C8orf34: variants seen among roughly 807,000 people sequenced by gnomAD.
C8orf34 encodes chromosome 8 open reading frame 34.
C8orf34 carries 65 observed loss-of-function variants against 68.3 expected under a neutral mutation model. That is an observed-to-expected ratio of 0.95 (90% confidence interval 0.78 to 1.17). The LOEUF (loss-of-function observed/expected upper bound fraction) is 1.17. Ranked by LOEUF, C8orf34 falls within the 50% of genes most tolerant of loss-of-function variation. The pLI, the probability that C8orf34 is intolerant of heterozygous loss-of-function variation, is 0.00. For missense variants in C8orf34, 664 were observed against 655.4 expected (o/e 1.01, Z -0.14); for synonymous variants, 244 against 241.2 (o/e 1.01, Z -0.11).
rs141757781 is a variant in C8orf34 at position 68,576,276 on chromosome 8, A to G, written c.1105+43127A>G. On this transcript the variant is annotated intron_variant, in intron 7 of 13. Coordinates refer to ENST00000518698, the MANE Select transcript of C8orf34 (RefSeq NM_052958.4). ...TTATGTAGATGTATTTTAAAAAAAT[A>G]GCAACCTTTCCCTGAGGATTTGGGA... Among the ~76,000 whole-genome samples the G allele has an allele frequency of 1.4e-3, 204 of 148,630 alleles. 6 individuals carry two copies. The highest frequency in any genetic ancestry group is 3.8e-3 in the African/African-American group (144 of 38,222).
At chr8:68,505,290 C>T (rs1478337523) in intron 5 of C8orf34, among the ~76,000 whole-genome samples, 3 of 152,020 alleles carry the variant, frequency 2.0e-5, no homozygotes, top group Non-Finnish European at 4.4e-5. Context: ...CTAATTATGT[C>T]GATAATGTAT....
intron 1 of C8orf34, among the ~76,000 whole-genome samples, chr8:68,426,549 G>GA (rs1435187146): frequency 2.1e-4 from 22 of 106,132 alleles, no homozygotes; most frequent in African/African-American, 7.4e-4. Context: ...AAAGAAAACA[G>GA]AAAAAAAGCA....
chr8:68,559,302 G>A (rs1427451738), intron 7 of C8orf34, among the ~76,000 whole-genome samples: 8 of 152,102 alleles, frequency 5.3e-5, no homozygotes, highest in Non-Finnish European at 1.0e-4. Context: ...CATCAACATA[G>A]ACAAGGAATT....
chr8:68,638,280 C>T (rs1014298330), intron 7 of C8orf34, among the ~76,000 whole-genome samples: 15 of 151,570 alleles, frequency 9.9e-5, no homozygotes, highest in South Asian at 2.1e-4. Flanking sequence ...ACCAAAAATG[C>T]CAGAGATTAT....
Position 68,578,067 on chromosome 8 carries a change from AG to A in C8orf34, c.1105+44919del, listed in dbSNP as rs531826443. ...AAAAACTTTAAAAAAGAAGGAGGCA[AG>A]AAGTAGGTAAAAAAATAAAGGAAGG... On this transcript the variant is annotated intron_variant, in intron 7 of 13. Transcript: ENST00000518698. 6.6e-5 allele frequency among the ~76,000 whole-genome samples: 10 copies of A among 152,056 alleles called. 1 individual carries two copies. In the South Asian group the frequency reaches 1.9e-3, roughly 28 times the overall value.
chr8:68,703,033 T>A (rs1183659048), intron 8 of C8orf34, among the ~76,000 whole-genome samples: 1 of 152,158 alleles, frequency 6.6e-6, no homozygotes, highest in Non-Finnish European at 1.5e-5. Context: ...TAACTACTGC[T>A]ATCGCAACCA....
At chr8:68,349,347 A>G (rs560358813) in intron 1 of C8orf34, among the ~76,000 whole-genome samples, 2 of 151,858 alleles carry the variant, frequency 1.3e-5, no homozygotes, top group East Asian at 3.9e-4. Flanking sequence ...GGTGGATTAG[A>G]CTTTGATGTG....
chr8:68,638,154 A>G (rs918870865), intron 7 of C8orf34, among the ~76,000 whole-genome samples: 1 of 152,164 alleles, frequency 6.6e-6, no homozygotes, highest in Non-Finnish European at 1.5e-5. Flanking sequence ...TCCCTCTGAA[A>G]GTCTCCAGTC....
At chr8:68,658,912 A>G (rs1404172943) in intron 8 of C8orf34, among the ~76,000 whole-genome samples, 2 of 152,100 alleles carry the variant, frequency 1.3e-5, no homozygotes, top group African/African-American at 4.8e-5. Context: ...AAGCTAGCTC[A>G]CCTATCATAA....
At chr8:68,646,760 A>G (rs770632223) in intron 8 of C8orf34, among the ~76,000 whole-genome samples, 2 of 152,162 alleles carry the variant, frequency 1.3e-5, no homozygotes, top group African/African-American at 4.8e-5. Flanking sequence ...TCAGCATAAT[A>G]TCCTCCAGGT....
At chr8:68,630,223 T>C (rs1241221516) in intron 7 of C8orf34, among the ~76,000 whole-genome samples, 1 of 152,016 alleles carries the variant, frequency 6.6e-6, no homozygotes, top group Non-Finnish European at 1.5e-5. Context: ...GTACTCACAT[T>C]AAAAAAGGAA....
chr8:68,766,705 T>C (rs2129528225), intron 10 of C8orf34, among the ~76,000 whole-genome samples: 1 of 152,336 alleles, frequency 6.6e-6, no homozygotes, highest in Admixed American at 6.5e-5. Context: ...TTCACTCTAA[T>C]TTTTTAAAAT....
intron 7 of C8orf34, among the ~76,000 whole-genome samples, chr8:68,541,495 T>A (rs1815699961): frequency 6.6e-6 from 1 of 151,836 alleles, no homozygotes; most frequent in Admixed American, 6.6e-5. Flanking sequence ...GAATTAGAGA[T>A]AGAGAAAAGA....
At chr8:68,529,061 T>TC (rs1815136342) in intron 6 of C8orf34, among the ~76,000 whole-genome samples, 1 of 152,088 alleles carries the variant, frequency 6.6e-6, no homozygotes, top group South Asian at 2.1e-4. Flanking sequence ...CCTAGCTCAT[T>TC]CCCCTCAGCA....
intron 7 of C8orf34, among the ~76,000 whole-genome samples, chr8:68,636,020 G>T (rs1365774267): frequency 6.6e-6 from 1 of 152,154 alleles, no homozygotes; most frequent in African/African-American, 2.4e-5. Flanking sequence ...AGGCATGCGG[G>T]GGGAGTAGGA....
At chr8:68,693,915 C>A (rs1820754470) in intron 8 of C8orf34, among the ~76,000 whole-genome samples, 1 of 151,996 alleles carries the variant, frequency 6.6e-6, no homozygotes, top group Non-Finnish European at 1.5e-5. Context: ...GAATGAGGTG[C>A]AAACAGGAAA....
chr8:68,358,349 G>C (rs189713327), intron 1 of C8orf34, among the ~76,000 whole-genome samples: 111 of 152,060 alleles, frequency 7.3e-4, no homozygotes, highest in African/African-American at 2.6e-3. Context: ...ACTTTGCACA[G>C]TCTGTTTTCT....
intron 12 of C8orf34, among the ~76,000 whole-genome samples, chr8:68,813,509 T>G (rs1297166514): frequency 1.3e-5 from 2 of 152,198 alleles, no homozygotes; most frequent in Non-Finnish European, 2.9e-5. Context: ...TGGAACTTGA[T>G]TGGCAAATTG....
intron 8 of C8orf34, among the ~76,000 whole-genome samples, chr8:68,648,638 A>G (rs1282378319): frequency 6.6e-6 from 1 of 152,218 alleles, no homozygotes; most frequent in Non-Finnish European, 1.5e-5. Flanking sequence ...TAGTGCACAA[A>G]AAAGGGAGCC....
Sources: gnomAD v4.1 joint callset for allele counts (sites outside exome capture counted in the v4.1 genomes callset) on GRCh38, gnomAD v4.1.1 for gene constraint, MANE v1.5 for transcripts, NCBI Gene and HGNC (gene_info 2026-07-23, HGNC 2026-07-21) for gene names.